The following NBAS variants were observed in gnomAD, a reference collection of about 807,000 sequenced individuals.
NBAS encodes NBAS subunit of NRZ tethering complex.
Under a neutral mutation model 302.5 loss-of-function variants are expected in NBAS, and 219 were observed. The ratio of observed to expected loss-of-function variants is 0.72; its 90% confidence interval spans 0.65 to 0.81. NBAS has a LOEUF of 0.81. Among genes scored for constraint, NBAS ranks in the 30% least tolerant of loss-of-function variants. NBAS has a pLI of 0.00. For missense variants in NBAS, 2,932 were observed against 2,841.6 expected (o/e 1.03, Z -0.72); for synonymous variants, 1,118 against 1,021.6 (o/e 1.09, Z -1.80).
chr2:14,939,451 AGAGAAAGGATTT>A, the NBAS span, among the ~76,000 whole-genome samples: 1 of 152,252 alleles, frequency 6.6e-6, no homozygotes, highest in African/African-American at 2.4e-5. Context: ...TAAAAAAGGC[AGAGAAAGGATTT>A]GAATAAAGAC....
At position 15,374,595 on chromosome 2, in the gene NBAS, G is replaced by T. The variant is rs373230750; in HGVS notation, c.3703+13C>A. Reference sequence around the variant, plus strand: ...TAAGTTAGTAACAATGCAACAGTAAGTAGAAAACTCACCTTGCAAAGGCAG... The same window carrying T: ...TAAGTTAGTAACAATGCAACAGTAATTAGAAAACTCACCTTGCAAAGGCAG... On this transcript the variant is annotated intron_variant, in intron 31 of 51. Transcript: ENST00000281513. The T allele has an allele frequency of 1.3e-5, 20 of 1,596,946 alleles. No individual in the cohort carries two copies. Among genetic ancestry groups the T allele is most frequent in the Non-Finnish European group, 1.6e-5 (19 of 1,164,600 alleles).
intron 9 of NBAS, among the ~76,000 whole-genome samples, chr2:15,530,943 A>C (rs1663186090): frequency 6.6e-6 from 1 of 152,156 alleles, no homozygotes; most frequent in Admixed American, 6.5e-5. Flanking sequence ...GCAGAGAAAG[A>C]AAGAAAGAAA....
At position 15,427,764 on chromosome 2, in the gene NBAS, A is replaced by C; in HGVS notation, c.2370T>G (p.Pro790=). 6.2e-7 allele frequency: 1 copy of C among 1,613,588 alleles called. No individual in the cohort carries two copies. The highest frequency in any genetic ancestry group is 8.5e-7 in the Non-Finnish European group (1 of 1,179,754). Residue 790 remains proline, a synonymous_variant, in exon 22 of 52, where the codon CCT becomes CCG. Transcript: ENST00000281513. ...CFNGDSLMII[P]WHEHKHRAKD... is the part of the protein sequence containing the mutation. ...TAGCTCGGTGTTTATGTTCATGCCA[A>C]GGAATGATCATCAGGGAGTCACCGT...
Position 15,245,019 on chromosome 2 carries a change from C to T in NBAS, c.5725-6333G>A, listed in dbSNP as rs548177416. Among the ~76,000 whole-genome samples the T allele has an allele frequency of 2.0e-4, 31 of 152,172 alleles. No individual in the cohort carries two copies. The South Asian group carries it at 5.0e-3, about 24-fold the overall frequency. ...TACTTGAGGAGACCCCAAGTGGGTACGGGCCCTGAGGGAGGCGTCTGTTGT... is the reference window on the plus strand; with the variant it reads ...TACTTGAGGAGACCCCAAGTGGGTATGGGCCCTGAGGGAGGCGTCTGTTGT... On this transcript the variant is annotated intron_variant, in intron 44 of 51. Transcript: ENST00000281513.
At chr2:14,786,201 T>C in the NBAS span, among the ~76,000 whole-genome samples, 1 of 152,112 alleles carries the variant, frequency 6.6e-6, no homozygotes, top group South Asian at 2.1e-4. Context: ...GTCTGTTTGA[T>C]TCTTCTCTCT....
chr2:15,096,710 G>C, the NBAS span, among the ~76,000 whole-genome samples: 1 of 152,192 alleles, frequency 6.6e-6, no homozygotes, highest in African/African-American at 2.4e-5. Context: ...AAGATGCAAA[G>C]GGGCCGCCTC....
At chr2:15,373,822 C>T (rs182568842) in intron 31 of NBAS, among the ~76,000 whole-genome samples, 1 of 152,212 alleles carries the variant, frequency 6.6e-6, no homozygotes. Flanking sequence ...CAAATATTTC[C>T]AGACTTAAGA....
the NBAS span, among the ~76,000 whole-genome samples, chr2:15,037,711 G>A: frequency 6.6e-6 from 1 of 152,076 alleles, no homozygotes; most frequent in Admixed American, 6.5e-5. Flanking sequence ...TTATATGCCT[G>A]ATAACACCTT....
At chr2:15,293,127 C>T (rs775653437) in intron 40 of NBAS, among the ~76,000 whole-genome samples, 1 of 152,200 alleles carries the variant, frequency 6.6e-6, no homozygotes, top group Non-Finnish European at 1.5e-5. Context: ...CAGTAACTCA[C>T]TCTAGAAGTA....
At chr2:15,462,959 C>T (rs1360780806) in intron 19 of NBAS, among the ~76,000 whole-genome samples, 2 of 152,114 alleles carry the variant, frequency 1.3e-5, no homozygotes, top group Admixed American at 1.3e-4. Flanking sequence ...CTCATGGAAA[C>T]CAAAAGAAGA....
the NBAS span, among the ~76,000 whole-genome samples, chr2:14,980,131 T>C: frequency 6.6e-6 from 1 of 152,082 alleles, no homozygotes; most frequent in Non-Finnish European, 1.5e-5. Context: ...AGAATGCTAA[T>C]GGGAAAGAAG....
chr2:15,194,104 C>G (rs916591503), intron 48 of NBAS, among the ~76,000 whole-genome samples: 2 of 151,724 alleles, frequency 1.3e-5, no homozygotes, highest in African/African-American at 2.4e-5. Context: ...CAGTCAGAAT[C>G]CCACAAGAAA....
At chr2:14,814,022 C>T in the NBAS span, among the ~76,000 whole-genome samples, 1 of 152,218 alleles carries the variant, frequency 6.6e-6, no homozygotes, top group Non-Finnish European at 1.5e-5. Flanking sequence ...GACTTAGTGG[C>T]TTCCACATGC....
intron 44 of NBAS, among the ~76,000 whole-genome samples, chr2:15,240,462 A>AG (rs990282829): frequency 1.3e-5 from 2 of 151,204 alleles, no homozygotes; most frequent in African/African-American, 4.8e-5. Context: ...AAAAAAAAAA[A>AG]AAAAATTAGC....
chr2:15,064,823 C>T, the NBAS span, among the ~76,000 whole-genome samples: 1 of 152,030 alleles, frequency 6.6e-6, no homozygotes, highest in Non-Finnish European at 1.5e-5. Context: ...CTCAGATGAA[C>T]ATAGATGCAA....
chr2:15,530,486 CATATGTATCA>C (rs1663165965), intron 9 of NBAS, among the ~76,000 whole-genome samples: 1 of 151,830 alleles, frequency 6.6e-6, no homozygotes, highest in Non-Finnish European at 1.5e-5. Context: ...AAAATAAAAT[CATATGTATCA>C]ATAATTTACC....
chr2:15,401,460 G>A (rs1462310747), intron 26 of NBAS, among the ~76,000 whole-genome samples: 2 of 152,114 alleles, frequency 1.3e-5, no homozygotes, highest in African/African-American at 4.8e-5. Context: ...CTAAATATCT[G>A]ATTTTGTAAA....
intron 35 of NBAS, among the ~76,000 whole-genome samples, chr2:15,332,061 G>C (rs1672379981): frequency 6.6e-6 from 1 of 152,146 alleles, no homozygotes; most frequent in Non-Finnish European, 1.5e-5. Flanking sequence ...AGGAAGAAAG[G>C]GAACCACAGG....
rs141384185 is a variant in NBAS, at chr2:15,385,926, C to A, written c.3258-2609G>T. ...GGAGATGGGGTGGTAGGTAATCTAG[C>A]AGCAATTGCAATGCTTTCCTGCTGA... On this transcript the variant is annotated intron_variant, in intron 28 of 51. Coordinates refer to ENST00000281513, the MANE Select transcript of NBAS (RefSeq NM_015909.4). 1.8e-3 allele frequency among the ~76,000 whole-genome samples: 268 copies of A among 152,236 alleles called. 1 individual carries two copies. The highest frequency in any genetic ancestry group is 6.2e-3 in the African/African-American group (257 of 41,532).
Sources: gnomAD v4.1 joint callset for allele counts (sites outside exome capture counted in the v4.1 genomes callset) on GRCh38, gnomAD v4.1.1 for gene constraint, MANE v1.5 for transcripts, NCBI Gene and HGNC (gene_info 2026-07-23, HGNC 2026-07-21) for gene names.